PPP2R2A: variants seen among roughly 807,000 people sequenced by gnomAD.
The protein encoded by PPP2R2A is protein phosphatase 2 regulatory subunit Balpha, also known as serine/threonine-protein phosphatase 2A 55 kDa regulatory subunit B alpha isoform.
PPP2R2A carries 9 observed loss-of-function variants against 53.2 expected under a neutral mutation model. The observed-to-expected ratio is 0.17, with a 90% CI of 0.10 to 0.30. The LOEUF (loss-of-function observed/expected upper bound fraction) is 0.30, where lower values mean the gene tolerates loss of function less well. Ranked by LOEUF, PPP2R2A falls within the 10% of genes least tolerant of loss-of-function variation. PPP2R2A has a pLI of 1.00. For synonymous variants in PPP2R2A, 169 were observed against 174.2 expected (o/e 0.97, Z 0.23); for missense variants, 235 against 534.6 (o/e 0.44, Z 5.53).
chr8:26,319,994 G>A (rs903363326), intron 2 of PPP2R2A, among the ~76,000 whole-genome samples: 1 of 152,034 alleles, frequency 6.6e-6, no homozygotes, highest in African/African-American at 2.4e-5. Flanking sequence ...ACTGATTTTT[G>A]TGTGATTTTG....
chr8:26,293,356 C>A lies in PPP2R2A; in HGVS notation c.8-310C>A. 3.0e-6 allele frequency: 4 copies of A among 1,323,222 alleles called. No homozygotes were observed. The South Asian group carries it at 5.1e-5, about 17-fold the overall frequency. The allele number at this position is 1,323,222 out of a possible 1,614,324, so 82.0% of individuals were successfully genotyped here. A position where few individuals can be genotyped will look rare whatever the true frequency, so the allele number is the denominator to read the frequency against. On this transcript the variant is annotated intron_variant, in intron 1 of 9. Transcript: ENST00000380737. The stretch of plus-strand genomic sequence containing the variant: ...AAAACTCTTTAACTCTTGGTATTTA[C>A]TTTTTTTCTGGTAGGTCTTGCCTGA...
chr8:26,327,117 G>T (rs762579435), intron 2 of PPP2R2A, among the ~76,000 whole-genome samples: 4 of 152,136 alleles, frequency 2.6e-5, no homozygotes, highest in Non-Finnish European at 5.9e-5. Context: ...CTTGGAAGCG[G>T]GTGCCTGAGT....
intron 2 of PPP2R2A, among the ~76,000 whole-genome samples, chr8:26,307,235 A>C: frequency 6.6e-6 from 1 of 152,236 alleles, no homozygotes; most frequent in East Asian, 1.9e-4. Flanking sequence ...AAACAAAGCT[A>C]AGTAAAATCT....
At chr8:26,303,751 TAAAA>T (rs911943906) in intron 2 of PPP2R2A, among the ~76,000 whole-genome samples, 1 of 151,660 alleles carries the variant, frequency 6.6e-6, no homozygotes, top group Non-Finnish European at 1.5e-5. Flanking sequence ...GAATGTAATT[TAAAA>T]AAAAACTCCG....
chr8:26,336,688 G>A (rs1489294945), intron 2 of PPP2R2A, among the ~76,000 whole-genome samples: 1 of 151,914 alleles, frequency 6.6e-6, no homozygotes, highest in African/African-American at 2.4e-5. Flanking sequence ...ACTACCTTGA[G>A]CAACATAGTG....
intron 2 of PPP2R2A, among the ~76,000 whole-genome samples, chr8:26,296,880 C>T (rs1259124751): frequency 3.3e-5 from 5 of 152,074 alleles, no homozygotes; most frequent in African/African-American, 1.2e-4. Context: ...CATCGGTAGG[C>T]TTTTTATAAC....
At chr8:26,346,585 A>G (rs904773743) in intron 3 of PPP2R2A, among the ~76,000 whole-genome samples, 1 of 152,184 alleles carries the variant, frequency 6.6e-6, no homozygotes, top group African/African-American at 2.4e-5. Flanking sequence ...TAGTCTTTCT[A>G]CTTTATTCGT....
At chr8:26,337,600 G>A (rs1451315277) in intron 2 of PPP2R2A, among the ~76,000 whole-genome samples, 1 of 152,162 alleles carries the variant, frequency 6.6e-6, no homozygotes, top group East Asian at 1.9e-4. Flanking sequence ...TTGGCTTTAT[G>A]TACTAGCCCA....
At chr8:26,330,088 A>G (rs146149169) in intron 2 of PPP2R2A, among the ~76,000 whole-genome samples, 2 of 152,118 alleles carry the variant, frequency 1.3e-5, no homozygotes, top group Non-Finnish European at 2.9e-5. Flanking sequence ...ATGTTATCCC[A>G]CAGGTCAGGT....
intron 9 of PPP2R2A, among the ~76,000 whole-genome samples, chr8:26,369,755 G>A (rs1435710021): frequency 1.3e-5 from 2 of 152,146 alleles, no homozygotes; most frequent in African/African-American, 4.8e-5. Context: ...TACTTCATGC[G>A]GGGTTCTTTT....
intron 3 of PPP2R2A, among the ~76,000 whole-genome samples, chr8:26,341,524 A>G (rs2117335219): frequency 6.6e-6 from 1 of 152,354 alleles, no homozygotes; most frequent in Middle Eastern, 3.4e-3. Flanking sequence ...TCCTTTCCTA[A>G]TTTGTAGATA....
intron 2 of PPP2R2A, chr8:26,333,627 T>G: frequency 1.2e-6 from 1 of 809,220 alleles, no homozygotes; most frequent in Non-Finnish European, 1.6e-6. Context: ...ATAGTAATTA[T>G]TTGTTACACC....
chr8:26,370,423 T>C lies in PPP2R2A; in HGVS notation c.*10T>C, dbSNP rs767917014. 1 of 1,611,936 alleles carries C rather than the reference T, an allele frequency of 6.2e-7. No individual in the cohort carries two copies. Among genetic ancestry groups the C allele is most frequent in the Middle Eastern group, 1.7e-4 (1 of 6,050 alleles). On this transcript the variant is annotated 3_prime_UTR_variant, in exon 10 of 10. Transcript: ENST00000380737. The surrounding 1 kb of genome is among the most constrained non-coding windows in gnomAD (Gnocchi z 6.1). ...AGACAAAGTGAATTAGGGTTGGCATTCCTAGCAGAAGAACCCACTTCCTGC... is the reference window on the plus strand; with the variant it reads ...AGACAAAGTGAATTAGGGTTGGCATCCCTAGCAGAAGAACCCACTTCCTGC...
chr8:26,353,462 A>G (rs1804619862), intron 3 of PPP2R2A, among the ~76,000 whole-genome samples: 1 of 152,250 alleles, frequency 6.6e-6, no homozygotes, highest in African/African-American at 2.4e-5. Flanking sequence ...TTTATTATCA[A>G]GAAGTTCTAA....
chr8:26,354,463 T>C lies in PPP2R2A; in HGVS notation c.181-5T>C. On this transcript the variant is annotated splice_region_variant and splice_polypyrimidine_tract_variant and intron_variant, in intron 3 of 9. Coordinates refer to ENST00000380737, the MANE Select transcript of PPP2R2A (RefSeq NM_002717.4). This position sits in a 1 kb window ranked among gnomAD's most constrained non-coding sequence, Gnocchi z 4.6. The stretch of plus-strand genomic sequence containing the variant: ...ATGGTCCATATATTTTTGTTTTCAT[T>C]TTAGAACAAAATCCAGTCTCATAGC... 1 of 1,512,700 alleles carries C rather than the reference T, an allele frequency of 6.6e-7. No individual in the cohort carries two copies. The highest frequency in any genetic ancestry group is 8.9e-7 in the Non-Finnish European group (1 of 1,126,534). The allele number at this position is 1,512,700 out of a possible 1,614,324, so 93.7% of individuals were successfully genotyped here. A position where few individuals can be genotyped will look rare whatever the true frequency, so the allele number is the denominator to read the frequency against.
chr8:26,361,376 T>G (rs1205491129), intron 6 of PPP2R2A, among the ~76,000 whole-genome samples: 1 of 152,202 alleles, frequency 6.6e-6, no homozygotes, highest in African/African-American at 2.4e-5. Flanking sequence ...TCATGGAATT[T>G]TAAGGAATTT....
At chr8:26,292,521 G>T (rs1391620005) in intron 1 of PPP2R2A, 1 of 874,598 alleles carries the variant, frequency 1.1e-6, no homozygotes, top group Non-Finnish European at 1.4e-6. Context: ...TTCCCAAAAG[G>T]GTTTGGTAGA....
chr8:26,326,807 A>G (rs1803110066), intron 2 of PPP2R2A, among the ~76,000 whole-genome samples: 1 of 152,228 alleles, frequency 6.6e-6, no homozygotes, highest in African/African-American at 2.4e-5. Flanking sequence ...GAAGATGATA[A>G]CTAACTTTAA....
intron 4 of PPP2R2A, among the ~76,000 whole-genome samples, chr8:26,355,250 A>G (rs1804714745): frequency 6.6e-6 from 1 of 152,056 alleles, no homozygotes; most frequent in African/African-American, 2.4e-5. Flanking sequence ...CCTACTGTTT[A>G]CTTGCCAAGG....
Sources: gnomAD v4.1 joint callset for allele counts (sites outside exome capture counted in the v4.1 genomes callset) on GRCh38, gnomAD v4.1.1 for gene constraint, Gnocchi (gnomAD v3.1) non-coding constraint, MANE v1.5 for transcripts, NCBI Gene and HGNC (gene_info 2026-07-23, HGNC 2026-07-21) for gene names.